Variants in SOCS4 observed in about 807,000 individuals in gnomAD.
The protein encoded by SOCS4 is suppressor of cytokine signaling 4, also known as SH2 domain containing SOCS box protein.
A neutral mutation model predicts 34.1 loss-of-function variants in SOCS4; 20 were observed. The observed-to-expected ratio is 0.59, with a 90% CI of 0.41 to 0.85. SOCS4 has a LOEUF of 0.85. SOCS4 is among the 40% of genes least tolerant of loss of function. The probability of loss-of-function intolerance (pLI) is 0.00; values close to 1 mark genes in which losing one functional copy is unlikely to be tolerated. For synonymous variants in SOCS4, 180 were observed against 186.4 expected, an observed-to-expected ratio of 0.97 and a Z score of 0.28; for missense variants, 479 against 532.4, an observed-to-expected ratio of 0.90 and a Z score of 0.99.
In SOCS4 at chr14:55,043,188, T is replaced by G. The variant is rs914059940; in HGVS notation, c.147T>G (p.Ala49=). The G allele has an allele frequency of 1.1e-5, 17 of 1,614,124 alleles. No homozygotes were observed. Among genetic ancestry groups the G allele is most frequent in the Non-Finnish European group, 1.4e-5 (17 of 1,180,050 alleles). ...WSKKSESYSD[A]ETVNGIEKTE... ...AAAAGAGTGAGAGTTATTCAGATGC[T>G]GAGACAGTGAATGGTATAGAGAAAA... Residue 49 remains alanine, a synonymous_variant, in exon 3 of 3, where the codon GCT becomes GCG. Transcript: ENST00000555846.
chr14:55,036,155 T>C (rs1050786522), intron 2 of SOCS4, among the ~76,000 whole-genome samples: 1 of 152,202 alleles, frequency 6.6e-6, no homozygotes, highest in Non-Finnish European at 1.5e-5. Flanking sequence ...ATTATGGATA[T>C]ATTTACTTTT....
At chr14:55,041,424 CATTTGTAAA>C (rs11277925) in intron 2 of SOCS4, among the ~76,000 whole-genome samples, 60,012 of 151,102 alleles carry the variant, frequency 0.4, 12,296 homozygotes, top group African/African-American at 0.48. Context: ...ATTTATTTTT[CATTTGTAAA>C]ATATTTGAGA....
intron 1 of SOCS4, 108 bp from the exon 2 acceptor site, chr14:55,031,755 G>C (rs1210554323): frequency 6.6e-6 from 1 of 152,184 alleles, no homozygotes; most frequent in South Asian, 2.1e-4. Flanking sequence ...ATATTTACTG[G>C]AAAATGAACC....
intron 1 of SOCS4, 60 bp from the exon 2 acceptor site, chr14:55,031,803 G>A (rs747312949): frequency 6.6e-5 from 10 of 152,142 alleles, no homozygotes; most frequent in Non-Finnish European, 1.2e-4. Flanking sequence ...TTGTTTTTTA[G>A]GTCAGATATT....
At chr14:55,040,149 C>A (rs766441579) in intron 2 of SOCS4, among the ~76,000 whole-genome samples, 2 of 152,184 alleles carry the variant, frequency 1.3e-5, no homozygotes, top group Non-Finnish European at 2.9e-5. Context: ...CCAAAGCAGG[C>A]AGTTGAATAC....
At chr14:55,037,288 G>T (rs2140245502) in intron 2 of SOCS4, among the ~76,000 whole-genome samples, 1 of 151,806 alleles carries the variant, frequency 6.6e-6, no homozygotes, top group East Asian at 2.0e-4. Flanking sequence ...GGGACTACAG[G>T]TGCCTACCAC....
In SOCS4 at chr14:55,031,721, C is replaced by T. The variant is rs1283628477; in HGVS notation, c.-219-142C>T. On this transcript the variant is annotated intron_variant, in intron 1 of 2. Transcript: ENST00000555846. The stretch of plus-strand genomic sequence containing the variant: ...AGTCCCATGAGCCCTGGCTCAGTAG[C>T]ATGAAAAAAGGAGATACTTTAAAAT... The T allele has an allele frequency of 1.3e-5, 2 of 151,990 alleles. 1 individual carries two copies. The highest frequency in any genetic ancestry group is 2.9e-5 in the Non-Finnish European group (2 of 67,972). The allele number at this position is 151,990 out of a possible 1,614,324, so 9.4% of individuals were successfully genotyped here.
At chr14:55,041,019 C>T (rs775505781) in intron 2 of SOCS4, among the ~76,000 whole-genome samples, 2 of 151,636 alleles carry the variant, frequency 1.3e-5, no homozygotes, top group East Asian at 2.0e-4. Context: ...CCTGTGTAGC[C>T]GAGACCACAG....
At position 55,043,856 on chromosome 14, in the gene SOCS4, A is replaced by G. The variant is rs968175433; in HGVS notation, c.815A>G (p.His272Arg). ...TACCACACGCAGATTGATTATGTCC[A>G]CTGTCTTGTACCAGACCTCCTTCAG... ...PKYHTQIDYV[H>R]CLVPDLLQIN... Residue 272 changes from histidine (H) to arginine (R), a missense_variant, in exon 3 of 3, where the codon CAC (histidine) becomes CGC (arginine). By Grantham distance (29) the His-to-Arg change is conservative (BLOSUM62 0). Transcript: ENST00000555846. 5.0e-6 allele frequency: 8 copies of G among 1,614,072 alleles called. No individual in the cohort carries two copies. The highest frequency in any genetic ancestry group is 6.8e-6 in the Non-Finnish European group (8 of 1,180,022).
At chr14:55,037,827 T>G (rs945164118) in intron 2 of SOCS4, among the ~76,000 whole-genome samples, 1 of 152,336 alleles carries the variant, frequency 6.6e-6, no homozygotes, top group South Asian at 2.1e-4. Context: ...TACTTATTCA[T>G]AGTTGTAATA....
intron 2 of SOCS4, among the ~76,000 whole-genome samples, chr14:55,033,600 T>C (rs936575519): frequency 6.6e-6 from 1 of 152,252 alleles, no homozygotes; most frequent in Non-Finnish European, 1.5e-5. Flanking sequence ...ATCTGCTAAG[T>C]AGCTTCTGAG....
intron 2 of SOCS4, among the ~76,000 whole-genome samples, chr14:55,041,943 C>T (rs1488270187): frequency 4.0e-5 from 6 of 151,600 alleles, no homozygotes; most frequent in African/African-American, 4.8e-5. Context: ...AGGCGTGCGC[C>T]GTTGCACCTG....
At chr14:55,040,974 C>T (rs1298185866) in intron 2 of SOCS4, among the ~76,000 whole-genome samples, 1 of 151,668 alleles carries the variant, frequency 6.6e-6, no homozygotes, top group East Asian at 2.0e-4. Flanking sequence ...TCACTGCAAC[C>T]TCTGCCTCCC....
chr14:55,031,238 T>C (rs1040366959), intron 1 of SOCS4, among the ~76,000 whole-genome samples: 5 of 152,212 alleles, frequency 3.3e-5, no homozygotes, highest in Non-Finnish European at 7.4e-5. Context: ...TCGTAGTTTC[T>C]GCTTTCTTCA....
intron 2 of SOCS4, among the ~76,000 whole-genome samples, chr14:55,033,611 A>T (rs1268894691): frequency 6.6e-6 from 1 of 152,234 alleles, no homozygotes; most frequent in African/African-American, 2.4e-5. Flanking sequence ...AGCTTCTGAG[A>T]GCCACTTGTT....
At chr14:55,039,632 G>A (rs540374488) in intron 2 of SOCS4, among the ~76,000 whole-genome samples, 2 of 152,362 alleles carry the variant, frequency 1.3e-5, no homozygotes, top group African/African-American at 4.8e-5. Flanking sequence ...GATGGCGCAT[G>A]CCTGTAATCC....
rs1177107326 is a variant in SOCS4 at position 55,043,809 on chromosome 14, G to A, written c.768G>A (p.Leu256=). Residue 256 remains leucine, a synonymous_variant, in exon 3 of 3, where the codon CTG becomes CTA. Transcript: ENST00000555846. ...AATGGGATTTGGATGATGAAATCCT[G>A]CAGTTGGAAACACCTCCTAAATACC... ...KPKWDLDDEI[L]QLETPPKYHT... The A allele has an allele frequency of 1.2e-6, 2 of 1,614,126 alleles. No individual in the cohort carries two copies. The highest frequency in any genetic ancestry group is 8.5e-7 in the Non-Finnish European group (1 of 1,180,016).
At position 55,048,006 on chromosome 14, in the gene SOCS4, C is replaced by G. The variant is rs1438339793; in HGVS notation, c.*3642C>G. 6.0e-6 allele frequency: 1 copy of G among 165,592 alleles called. No individual in the cohort carries two copies. The highest frequency in any genetic ancestry group is 1.5e-5 in the Non-Finnish European group (1 of 68,146). 10.3% of individuals were successfully genotyped at this position (165,592 alleles called of 1,614,324 possible). A position where few individuals can be genotyped will look rare whatever the true frequency, so the allele number is the denominator to read the frequency against. ...GCGCAATCTCGGTTCACTGCAACCT[C>G]TGCCTTCCAGGTTCCAGCAATTCTC... On this transcript the variant is annotated 3_prime_UTR_variant, in exon 3 of 3. Transcript: ENST00000555846.
In SOCS4 at chr14:55,044,347, C is replaced by G. The variant is rs200197521; in HGVS notation, c.1306C>G (p.Pro436Ala). The change falls in exon 3 of 3, where the codon CCA becomes GCA. Residue 436 changes from proline (P) to alanine (A), a missense_variant. By Grantham distance (27) the Pro-to-Ala change is conservative. Coordinates refer to ENST00000555846, the MANE Select transcript of SOCS4 (RefSeq NM_199421.2). ...AGTTAGAGTACTCAGGATTGATGCA[C>G]CAGAACAGCAATGCTAGTAACAGGA... ...SKVRVLRIDA[P>A]EQQC 6.2e-7 allele frequency: 1 copy of G among 1,608,214 alleles called. No homozygotes were observed. Among genetic ancestry groups the G allele is most frequent in the Non-Finnish European group, 8.5e-7 (1 of 1,176,330 alleles).
Sources: gnomAD v4.1 joint callset for allele counts (sites outside exome capture counted in the v4.1 genomes callset) on GRCh38, gnomAD v4.1.1 for gene constraint, MANE v1.5 for transcripts, NCBI Gene and HGNC (gene_info 2026-07-23, HGNC 2026-07-21) for gene names.